SH3BP1: variants seen among roughly 807,000 people sequenced by gnomAD.
The protein encoded by SH3BP1 is SH3 domain-binding protein 1.
In SH3BP1, 46 loss-of-function variants were observed where a neutral mutation model predicts 69.8. The ratio of observed to expected loss-of-function variants is 0.66; its 90% CI spans 0.52 to 0.84. The LOEUF is 0.84. Ranked by LOEUF, SH3BP1 falls within the 40% of genes least tolerant of loss-of-function variation. SH3BP1 has a pLI of 0.00. For synonymous variants in SH3BP1, 403 were observed against 378.0 expected (o/e 1.07, Z -0.77); for missense variants, 868 against 930.9 (o/e 0.93, Z 0.88).
chr22:37,646,362 G>A (rs149244054), intron 10 of SH3BP1, among the ~76,000 whole-genome samples: 3,118 of 151,602 alleles, frequency 0.021, 54 homozygotes, highest in Non-Finnish European at 0.032. Context: ...TGGTTCAAGC[G>A]ATTGTGTCTC....
In SH3BP1 at chr22:37,643,737, G is replaced by A; in HGVS notation, c.567G>A (p.Glu189=). 6.2e-7 allele frequency: 1 copy of A among 1,613,960 alleles called. No homozygotes were observed. Among genetic ancestry groups the A allele is most frequent in the Non-Finnish European group, 8.5e-7 (1 of 1,180,024 alleles). Residue 189 remains glutamate, a synonymous_variant, in exon 7 of 18, where the codon GAG becomes GAA. Coordinates refer to ENST00000649765, the MANE Select transcript of SH3BP1 (RefSeq NM_018957.6). ...HSHTTMANKV[E]TLKEEEEELK... is the part of the protein sequence containing the mutation. ...ATACGACCATGGCCAACAAGGTGGA[G>A]ACGCTGAAGGAGGAGGAGGAGGAGC...
intron 10 of SH3BP1, among the ~76,000 whole-genome samples, chr22:37,646,606 C>A (rs1269393622): frequency 6.6e-6 from 1 of 152,196 alleles, no homozygotes; most frequent in East Asian, 1.9e-4. Flanking sequence ...TTTTTCCCGC[C>A]TCCTCCCAGA....
Position 37,643,754 on chromosome 22 carries a change from A to G in SH3BP1, c.584A>G (p.Glu195Gly). 6.2e-7 allele frequency: 1 copy of G among 1,613,742 alleles called. No homozygotes were observed. Among genetic ancestry groups the G allele is most frequent in the Non-Finnish European group, 8.5e-7 (1 of 1,180,012 alleles). The stretch of plus-strand genomic sequence containing the variant: ...AAGGTGGAGACGCTGAAGGAGGAGG[A>G]GGAGGAGCTGAAGAGGAAAGTGGAG... Reference protein sequence around the residue: ...ANKVETLKEEEEELKRKVEQC... With the variant: ...ANKVETLKEEGEELKRKVEQC... Residue 195 changes from glutamate to glycine, a missense_variant, in exon 7 of 18, where the codon GAG becomes GGG. This residue lies in a region of SH3BP1 where 387 missense variants were observed against 447.9 expected (regional missense o/e 0.86). Coordinates refer to ENST00000649765, the MANE Select transcript of SH3BP1 (RefSeq NM_018957.6).
At chr22:37,651,748 T>C (rs1424208073) in intron 16 of SH3BP1, among the ~76,000 whole-genome samples, 1 of 152,106 alleles carries the variant, frequency 6.6e-6, no homozygotes, top group Admixed American at 6.6e-5. Context: ...TTGAATTTCC[T>C]GATGAGCAAG....
At chr22:37,650,756 T>C in intron 16 of SH3BP1, 31 bp downstream of exon 16, 1 of 1,552,146 alleles carries the variant, frequency 6.4e-7, no homozygotes, top group South Asian at 1.2e-5. Flanking sequence ...ATGGCTCCTG[T>C]GGTACTCCCA....
Position 37,655,821 on chromosome 22 carries a change from GC to G in SH3BP1, c.*142del. 1.4e-6 allele frequency: 2 copies of G among 1,466,402 alleles called. No individual in the cohort carries two copies. Among genetic ancestry groups the G allele is most frequent in the Non-Finnish European group, 1.8e-6 (2 of 1,115,798 alleles). The allele number at this position is 1,466,402 out of a possible 1,614,324, so 90.8% of individuals were successfully genotyped here. A position where few individuals can be genotyped will look rare whatever the true frequency, so the allele number is the denominator to read the frequency against. Reference sequence around the variant, plus strand: ...AAGTGCCTCAGTGCCCACTGGGTCGGCCCCCATGGCCAGGAGGGCTCAGGAC... The same window carrying G: ...AAGTGCCTCAGTGCCCACTGGGTCGGCCCCATGGCCAGGAGGGCTCAGGAC... On this transcript the variant is annotated 3_prime_UTR_variant, in exon 18 of 18. Transcript: ENST00000649765.
chr22:37,655,954 G>C lies in SH3BP1; in HGVS notation c.*270G>C, dbSNP rs958293878. The C allele has an allele frequency of 9.6e-6, 15 of 1,558,206 alleles. No individual in the cohort carries two copies. The highest frequency in any genetic ancestry group is 3.8e-4 in the Middle Eastern group (2 of 5,274). ...CTAGGGGAGCCACCGGAAGGAAGGAGAGGTTTGCCTGCTCCTACGGGACTG... is the reference window on the plus strand; with the variant it reads ...CTAGGGGAGCCACCGGAAGGAAGGACAGGTTTGCCTGCTCCTACGGGACTG... On this transcript the variant is annotated 3_prime_UTR_variant, in exon 18 of 18. Coordinates refer to ENST00000649765, the MANE Select transcript of SH3BP1 (RefSeq NM_018957.6).
intron 16 of SH3BP1, among the ~76,000 whole-genome samples, chr22:37,652,582 G>A (rs1932901781): frequency 6.6e-6 from 1 of 151,956 alleles, no homozygotes; most frequent in African/African-American, 2.4e-5. Context: ...CCAGCACTTT[G>A]GGAAGCCAAG....
chr22:37,643,135 T>G lies in SH3BP1; in HGVS notation c.434T>G (p.Leu145Arg). 6.2e-7 allele frequency: 1 copy of G among 1,609,642 alleles called. No homozygotes were observed. Among genetic ancestry groups the G allele is most frequent in the Non-Finnish European group, 8.5e-7 (1 of 1,178,438 alleles). ...LPAILKHKKS[L>R]QKLVSDWNTL... Reference sequence around the variant, plus strand: ...GCCATCCTCAAACACAAGAAAAGCCTCCAGAAGCTCGTGTCCGACTGGAAC... The same window carrying G: ...GCCATCCTCAAACACAAGAAAAGCCGCCAGAAGCTCGTGTCCGACTGGAAC... Residue 145 changes from leucine (L) to arginine (R), a missense_variant, in exon 6 of 18, where the codon CTC becomes CGC. Coordinates refer to ENST00000649765, the MANE Select transcript of SH3BP1 (RefSeq NM_018957.6).
intron 13 of SH3BP1, among the ~76,000 whole-genome samples, chr22:37,647,837 G>A (rs1040992562): frequency 3.9e-5 from 6 of 151,942 alleles, no homozygotes; most frequent in African/African-American, 1.2e-4. Context: ...CATCACACTC[G>A]GCTAATTTTT....
chr22:37,655,411 C>T lies in SH3BP1; in HGVS notation c.1833C>T (p.Gly611=). The T allele has an allele frequency of 3.1e-6, 4 of 1,278,880 alleles. No individual in the cohort carries two copies. Among genetic ancestry groups the T allele is most frequent in the Non-Finnish European group, 3.1e-6 (3 of 978,208 alleles). The allele number at this position is 1,278,880 out of a possible 1,614,324, so 79.2% of individuals were successfully genotyped here. The change falls in exon 18 of 18, where the codon GGC becomes GGT. Residue 611 remains glycine (G), a synonymous_variant. Transcript: ENST00000649765. ...TPQALPRRLV[G]SSLRAPTVPP... is the part of the protein sequence containing the mutation. ...AAGCCCTGCCCCGACGTCTGGTTGG[C>T]AGCAGCCTCCGAGCCCCCACAGTGC...
Position 37,655,436 on chromosome 22 carries a change from C to A in SH3BP1, c.1858C>A (p.Pro620Thr). 1.8e-6 allele frequency: 2 copies of A among 1,113,628 alleles called. No individual in the cohort carries two copies. The highest frequency in any genetic ancestry group is 2.4e-6 in the Non-Finnish European group (2 of 821,304). 69.0% of individuals were successfully genotyped at this position (1,113,628 alleles called of 1,614,324 possible). A position where few individuals can be genotyped will look rare whatever the true frequency, so the allele number is the denominator to read the frequency against. Residue 620 changes from proline to threonine, a missense_variant, in exon 18 of 18, where the codon CCA becomes ACA. By Grantham distance (38) the Pro-to-Thr change is conservative (BLOSUM62 -1). Coordinates refer to ENST00000649765, the MANE Select transcript of SH3BP1 (RefSeq NM_018957.6). ...CAGCAGCCTCCGAGCCCCCACAGTG[C>A]CACCCCCGTTACCCCCCACACCCCC... Reference protein sequence around the residue: ...VGSSLRAPTVPPPLPPTPPQP... With the variant: ...VGSSLRAPTVTPPLPPTPPQP...
In SH3BP1 at chr22:37,655,627, TCCCCCA is replaced by T; in HGVS notation, c.2050_2055del (p.Pro684_Pro685del). The T allele has an allele frequency of 1.6e-6, 2 of 1,233,754 alleles. No individual in the cohort carries two copies. Among genetic ancestry groups the T allele is most frequent in the Non-Finnish European group, 2.2e-6 (2 of 918,304 alleles). The allele number at this position is 1,233,754 out of a possible 1,614,324, so 76.4% of individuals were successfully genotyped here. Reference sequence around the variant, plus strand: ...CTGAGGCTATCAGTGGGGTCCCCACTCCCCCAGCTATCCCCCCTCAGCCCCGCCCCA... The same window carrying T: ...CTGAGGCTATCAGTGGGGTCCCCACTGCTATCCCCCCTCAGCCCCGCCCCA... On this transcript the variant is annotated inframe_deletion, in exon 18 of 18. Coordinates refer to ENST00000649765, the MANE Select transcript of SH3BP1 (RefSeq NM_018957.6).
At position 37,650,262 on chromosome 22, in the gene SH3BP1, C is replaced by T. The variant is rs1932853013; in HGVS notation, c.1414+13C>T. On this transcript the variant is annotated intron_variant, in intron 15 of 17. Coordinates refer to ENST00000649765, the MANE Select transcript of SH3BP1 (RefSeq NM_018957.6). ...CTCTTCCCTGGAGGTGAAGCTCCTG[C>T]CTGCATGGACGCCCTGCTGGGTGCC... The T allele has an allele frequency of 9.4e-6, 15 of 1,591,100 alleles. No individual in the cohort carries two copies. In the South Asian group the frequency reaches 1.5e-4, roughly 16 times the overall value.
intron 9 of SH3BP1, 43 bp from the exon 10 acceptor site, chr22:37,645,322 G>T (rs1428260387): frequency 5.1e-6 from 8 of 1,575,772 alleles, no homozygotes; most frequent in African/African-American, 1.3e-5. Context: ...TGACTGCTCG[G>T]GGTGGGAAGG....
rs1242947106 is a variant in SH3BP1, at chr22:37,642,950, G to A, written c.340G>A (p.Glu114Lys). 4 of 1,612,888 alleles carry A rather than the reference G, an allele frequency of 2.5e-6. No individual in the cohort carries two copies. The highest frequency in any genetic ancestry group is 1.7e-6 in the Non-Finnish European group (2 of 1,180,002). ...GAATCAGCTGGCCCGCATCCTGGCC[G>A]AGTTTGAGATGACCCTGGAGAGGGA... ...IQNQLARILA[E>K]FEMTLERDVL... The change falls in exon 5 of 18, where the codon GAG becomes AAG. Residue 114 changes from glutamate (E) to lysine (K), a missense_variant. Glu to Lys is a moderately conservative substitution (Grantham distance 56). Coordinates refer to ENST00000649765, the MANE Select transcript of SH3BP1 (RefSeq NM_018957.6).
rs780784724 is a variant in SH3BP1, at chr22:37,655,643, C to A, written c.2065C>A (p.Pro689Thr). The change falls in exon 18 of 18, where the codon CCT becomes ACT. Residue 689 changes from proline to threonine, a missense_variant. Around this residue, in one of 3 missense-constraint regions of SH3BP1, gnomAD observed 474 missense variants for 462.3 expected, o/e 1.03. Coordinates refer to ENST00000649765, the MANE Select transcript of SH3BP1 (RefSeq NM_018957.6). ...SGVPTPPAIP[P>T]QPRPRSLASE... ...GGTCCCCACTCCCCCAGCTATCCCC[C>A]CTCAGCCCCGCCCCAGGAGCCTTGC... 1.1e-5 allele frequency: 17 copies of A among 1,538,590 alleles called. No homozygotes were observed. The highest frequency in any genetic ancestry group is 1.5e-5 in the Non-Finnish European group (17 of 1,143,862).
rs1441947224 is a variant in SH3BP1 at position 37,653,792 on chromosome 22, G to A, written c.1612G>A (p.Val538Met). The A allele has an allele frequency of 6.2e-6, 10 of 1,612,784 alleles. No homozygotes were observed. Among genetic ancestry groups the A allele is most frequent in the Non-Finnish European group, 8.5e-6 (10 of 1,179,060 alleles). The change falls in exon 17 of 18, where the codon GTG becomes ATG. Residue 538 changes from valine to methionine, a missense_variant. By Grantham distance (21) the Val-to-Met change is conservative. Coordinates refer to ENST00000649765, the MANE Select transcript of SH3BP1 (RefSeq NM_018957.6). ...AATKERTESE[V>M]PPRPASPKVT... ...TTCCCTCTGCAGGACAGAGTCTGAGGTGCCTCCCAGACCAGCCTCCCCCAA... is the reference window on the plus strand; with the variant it reads ...TTCCCTCTGCAGGACAGAGTCTGAGATGCCTCCCAGACCAGCCTCCCCCAA...
In SH3BP1 at chr22:37,641,171, A is replaced by G; in HGVS notation, c.102+3A>G. On this transcript the variant is annotated splice_donor_region_variant and intron_variant, in intron 2 of 17. Coordinates refer to ENST00000649765, the MANE Select transcript of SH3BP1 (RefSeq NM_018957.6). ...TCCTGGGTGAGGACCTGCTGCAGGT[A>G]CGTGCCTGGGCCGGGCAGGTGGGAA... The G allele has an allele frequency of 3.3e-6, 5 of 1,527,430 alleles. No individual in the cohort carries two copies. Among genetic ancestry groups the G allele is most frequent in the Non-Finnish European group, 4.4e-6 (5 of 1,134,064 alleles). 94.6% of individuals were successfully genotyped at this position (1,527,430 alleles called of 1,614,324 possible).
Sources: gnomAD v4.1 joint callset for allele counts (sites outside exome capture counted in the v4.1 genomes callset) on GRCh38, gnomAD v4.1.1 for gene constraint, gnomAD v4.1.1 regional missense constraint, MANE v1.5 for transcripts, NCBI Gene and HGNC (gene_info 2026-07-23, HGNC 2026-07-21) for gene names.